Variants in GTF2IRD1 observed in about 807,000 individuals in gnomAD.
GTF2IRD1 encodes the protein GTF2I repeat domain containing 1, also known as general transcription factor II-I repeat domain-containing protein 1.
In GTF2IRD1, 26 loss-of-function variants were observed where a neutral mutation model predicts 113.2. The ratio of observed to expected loss-of-function variants is 0.23; its 90% confidence interval spans 0.17 to 0.32. GTF2IRD1 has a LOEUF of 0.32. Ranked by LOEUF, GTF2IRD1 falls within the 10% of genes least tolerant of loss-of-function variation. The pLI, the probability that GTF2IRD1 is intolerant of heterozygous loss-of-function variation, is 1.00. For missense variants in GTF2IRD1, 864 were observed against 1,280.8 expected (o/e 0.67, Z 4.97); for synonymous variants, 484 against 529.1 (o/e 0.91, Z 1.17).
intron 22 of GTF2IRD1, among the ~76,000 whole-genome samples, chr7:74,576,987 G>A (rs1473992078): frequency 1.3e-5 from 2 of 152,046 alleles, no homozygotes; most frequent in African/African-American, 2.4e-5. Context: ...GCACAGAAGA[G>A]CTCAGATTCT....
chr7:74,498,460 C>T (rs756306495), intron 1 of GTF2IRD1, among the ~76,000 whole-genome samples: 1 of 152,070 alleles, frequency 6.6e-6, no homozygotes, highest in Non-Finnish European at 1.5e-5. Flanking sequence ...GGTTGTATAT[C>T]TCTAAACCAA....
intron 22 of GTF2IRD1, among the ~76,000 whole-genome samples, chr7:74,574,150 ATTTT>A (rs71094796): frequency 9.5e-6 from 1 of 104,826 alleles, no homozygotes; most frequent in African/African-American, 3.7e-5. Flanking sequence ...CACCAAGCTA[ATTTT>A]TTTTTTTTTT....
intron 1 of GTF2IRD1, among the ~76,000 whole-genome samples, chr7:74,462,948 C>T (rs962896229): frequency 2.6e-5 from 4 of 152,284 alleles, no homozygotes; most frequent in East Asian, 1.9e-4. Flanking sequence ...AGGTTGAGGG[C>T]GGTGCCAGGG....
chr7:74,571,164 G>T (rs1418767245), intron 22 of GTF2IRD1: 3 of 972,020 alleles, frequency 3.1e-6, no homozygotes, highest in Admixed American at 6.2e-5. Flanking sequence ...CCAACTTCCT[G>T]TGTGACTCCA....
At chr7:74,498,211 C>G (rs1237048027) in intron 1 of GTF2IRD1, among the ~76,000 whole-genome samples, 4 of 151,876 alleles carry the variant, frequency 2.6e-5, no homozygotes, top group African/African-American at 9.7e-5. Context: ...CTCTGTTGCC[C>G]AGGCTGGTCT....
intron 7 of GTF2IRD1, among the ~76,000 whole-genome samples, chr7:74,522,667 A>G (rs1381045160): frequency 7.9e-5 from 12 of 152,234 alleles, no homozygotes; most frequent in Admixed American, 6.5e-5. Context: ...GTGAATGTCC[A>G]GATGGAACAG....
chr7:74,481,931 G>T (rs1329148997), intron 1 of GTF2IRD1, among the ~76,000 whole-genome samples: 1 of 152,176 alleles, frequency 6.6e-6, no homozygotes, highest in Non-Finnish European at 1.5e-5. Context: ...GCCCTTCTGT[G>T]GGGTGGGCCA....
chr7:74,530,503 T>C (rs1206405468), intron 9 of GTF2IRD1, among the ~76,000 whole-genome samples: 2 of 147,304 alleles, frequency 1.4e-5, no homozygotes. Context: ...ATTTTTTTTT[T>C]TTTTTTTTTT....
intron 1 of GTF2IRD1, 150 bp from the exon 2 acceptor site, chr7:74,507,925 A>G: frequency 1.3e-6 from 1 of 783,006 alleles, no homozygotes; most frequent in Non-Finnish European, 2.0e-6. Flanking sequence ...ATCCCATCAC[A>G]CATAAAGCCC....
At chr7:74,559,499 A>T in intron 21 of GTF2IRD1, 128 bp from the exon 22 acceptor site, 1 of 764,158 alleles carries the variant, frequency 1.3e-6, no homozygotes, top group Non-Finnish European at 2.2e-6. Context: ...GCAGCTTGTT[A>T]AAATGCAGAT....
intron 3 of GTF2IRD1, among the ~76,000 whole-genome samples, chr7:74,513,456 C>T (rs1796750698): frequency 6.6e-6 from 1 of 152,174 alleles, no homozygotes; most frequent in Admixed American, 6.5e-5. Context: ...CAGGCACCTA[C>T]CACCACGCCC....
At chr7:74,563,633 C>T (rs1344399033) in intron 22 of GTF2IRD1, among the ~76,000 whole-genome samples, 23 of 150,664 alleles carry the variant, frequency 1.5e-4, no homozygotes, top group African/African-American at 5.6e-4. Flanking sequence ...CCCCTGTAAT[C>T]CTAGCACTTT....
At chr7:74,602,115 G>A (rs587690603) in intron 26 of GTF2IRD1, 15 of 317,212 alleles carry the variant, frequency 4.7e-5, no homozygotes, top group Admixed American at 3.8e-4. Context: ...GGTGGCGGGC[G>A]CCTATAATCC....
intron 22 of GTF2IRD1, among the ~76,000 whole-genome samples, chr7:74,575,795 T>C (rs1339615950): frequency 6.6e-6 from 1 of 152,036 alleles, no homozygotes; most frequent in Non-Finnish European, 1.5e-5. Context: ...TCTCATCCAG[T>C]CGAAGTTGGA....
rs782544329 is a variant in GTF2IRD1 at position 74,538,663 on chromosome 7, T to C, written c.1448-17T>C. The stretch of plus-strand genomic sequence containing the variant: ...ATCATGCCAGACTTGACAGGATTCT[T>C]CCTTTCCTCCTTGCAGGAACCTCCG... On this transcript the variant is annotated splice_polypyrimidine_tract_variant and intron_variant, in intron 12 of 26. Transcript: ENST00000424337. 6.7e-7 allele frequency: 1 copy of C among 1,486,130 alleles called. No homozygotes were observed. The highest frequency in any genetic ancestry group is 9.4e-7 in the Non-Finnish European group (1 of 1,063,554). 92.1% of individuals were successfully genotyped at this position (1,486,130 alleles called of 1,614,324 possible).
intron 22 of GTF2IRD1, among the ~76,000 whole-genome samples, chr7:74,588,123 T>A (rs1488639530): frequency 6.6e-6 from 1 of 150,394 alleles, no homozygotes; most frequent in Non-Finnish European, 1.5e-5. Context: ...TTTTTTTTTT[T>A]TGAGACGGAG....
chr7:74,537,508 C>T (rs1554350525), intron 11 of GTF2IRD1, among the ~76,000 whole-genome samples: 1 of 152,110 alleles, frequency 6.6e-6, no homozygotes. Flanking sequence ...TACATGCATA[C>T]ATACATACCA....
At chr7:74,585,902 G>C (rs1444495649) in intron 22 of GTF2IRD1, among the ~76,000 whole-genome samples, 2 of 151,698 alleles carry the variant, frequency 1.3e-5, no homozygotes, top group Non-Finnish European at 2.9e-5. Context: ...AAAAGAAAAA[G>C]AAAGAAACTG....
chr7:74,567,819 T>C (rs1554361145), intron 22 of GTF2IRD1, among the ~76,000 whole-genome samples: 1 of 152,026 alleles, frequency 6.6e-6, no homozygotes, highest in Admixed American at 6.5e-5. Context: ...AGAGTCTCGC[T>C]CTATTGCCCA....
Sources: allele counts gnomAD v4.1 joint callset (sites outside exome capture counted in the v4.1 genomes callset), GRCh38; gene constraint gnomAD v4.1.1; transcripts MANE v1.5; gene names NCBI Gene and HGNC (gene_info 2026-07-23, HGNC 2026-07-21).